Variants in INSL6 observed in about 807,000 individuals in gnomAD.
INSL6 encodes insulin like 6.
Under a neutral mutation model 9.4 loss-of-function variants are expected in INSL6, and 16 were observed. That is an observed-to-expected ratio of 1.70 (90% CI 1.15 to 2.59). The LOEUF is 2.59. Ranked by LOEUF, INSL6 falls within the 30% of genes most tolerant of loss-of-function variation. INSL6 has a pLI of 0.00. For synonymous variants in INSL6, 154 were observed against 96.9 expected (o/e 1.59, Z -3.46); for missense variants, 391 against 257.3 (o/e 1.52, Z -3.56).
At chr9:5,043,526 G>T in the INSL6 span, among the ~76,000 whole-genome samples, 1 of 152,286 alleles carries the variant, frequency 6.6e-6, no homozygotes, top group Non-Finnish European at 1.5e-5. Context: ...TGCTACTTTG[G>T]AAAACAGTTT....
At chr9:5,069,826 A>ATT in the INSL6 span, 7 of 615,934 alleles carry the variant, frequency 1.1e-5, no homozygotes, top group African/African-American at 1.9e-5. Context: ...GTTATTAAGC[A>ATT]TTTCTTATAC....
the INSL6 span, among the ~76,000 whole-genome samples, chr9:5,113,328 G>A: frequency 6.7e-6 from 1 of 148,692 alleles, no homozygotes; most frequent in Non-Finnish European, 1.5e-5. Context: ...ACTTGAGGGA[G>A]ATGCTGTGGA....
At chr9:5,115,591 A>C in the INSL6 span, among the ~76,000 whole-genome samples, 1 of 151,908 alleles carries the variant, frequency 6.6e-6, no homozygotes. Context: ...AAATCATTCT[A>C]CTATAAAGAC....
At chr9:5,172,150 T>A (rs189254461) in intron 1 of INSL6, among the ~76,000 whole-genome samples, 4 of 152,096 alleles carry the variant, frequency 2.6e-5, no homozygotes, top group African/African-American at 4.8e-5. Flanking sequence ...CCTAAACCAA[T>A]AGAATTTCTG....
the INSL6 span, among the ~76,000 whole-genome samples, chr9:5,079,852 TAATGG>T: frequency 6.6e-6 from 1 of 151,768 alleles, no homozygotes; most frequent in African/African-American, 2.4e-5. Context: ...AAGGTAAAAC[TAATGG>T]AAAGAGGTTG....
intron 2 of INSL6, among the ~76,000 whole-genome samples, chr9:5,140,334 CATA>C (rs1014517587): frequency 1.2e-4 from 18 of 152,206 alleles, no homozygotes; most frequent in Admixed American, 3.3e-4. Context: ...TGTACCTAAT[CATA>C]ATAATGACAC....
downstream of INSL6, among the ~76,000 whole-genome samples, chr9:5,161,260 G>C (rs890112183): frequency 2.0e-5 from 3 of 152,058 alleles, no homozygotes; most frequent in Admixed American, 2.0e-4. Context: ...TTTATTCCAG[G>C]AATGCAAGAA....
chr9:5,085,274 T>C, the INSL6 span: 1 of 694,850 alleles, frequency 1.4e-6, no homozygotes, highest in African/African-American at 1.8e-5. Context: ...TCAGCTGATG[T>C]TGGTTTGCCT....
At chr9:5,089,879 A>T in the INSL6 span, 1 of 1,438,394 alleles carries the variant, frequency 7.0e-7, no homozygotes, top group Non-Finnish European at 9.1e-7. Flanking sequence ...CTGCCCATTG[A>T]AACCTATTTT....
At chr9:5,038,417 T>C in the INSL6 span, among the ~76,000 whole-genome samples, 1 of 152,160 alleles carries the variant, frequency 6.6e-6, no homozygotes, top group Non-Finnish European at 1.5e-5. Context: ...CTGAGCTCTT[T>C]CTGTGAGTTC....
At chr9:5,060,380 C>T in the INSL6 span, among the ~76,000 whole-genome samples, 1 of 152,266 alleles carries the variant, frequency 6.6e-6, no homozygotes, top group East Asian at 1.9e-4. Context: ...TAACATTTTA[C>T]CCACAGTAGA....
chr9:5,122,133 A>G (rs574772151), downstream of INSL6, among the ~76,000 whole-genome samples: 45 of 152,268 alleles, frequency 3.0e-4, no homozygotes, highest in Admixed American at 2.9e-3. Context: ...AGATTAGGAA[A>G]CTTAAATGGG....
the INSL6 span, among the ~76,000 whole-genome samples, chr9:5,050,318 C>G: frequency 2.0e-5 from 3 of 152,120 alleles, no homozygotes; most frequent in African/African-American, 7.2e-5. Context: ...ATTTTAGAGA[C>G]TGGGTCTTGG....
the INSL6 span, among the ~76,000 whole-genome samples, chr9:5,016,388 A>G: frequency 3.9e-5 from 6 of 152,292 alleles, no homozygotes; most frequent in South Asian, 1.2e-3. Flanking sequence ...GGGACACCAC[A>G]GACTGTGTAT....
chr9:5,008,157 A>G, the INSL6 span, among the ~76,000 whole-genome samples: 2 of 152,224 alleles, frequency 1.3e-5, no homozygotes, highest in South Asian at 4.1e-4. Context: ...TAAGAATTAT[A>G]TAAATTTTTT....
chr9:5,026,615 T>G, the INSL6 span, among the ~76,000 whole-genome samples: 3 of 152,220 alleles, frequency 2.0e-5, no homozygotes, highest in Non-Finnish European at 2.9e-5. Flanking sequence ...ATTTCTGATT[T>G]AATTGAAGTG....
At chr9:5,089,201 A>C in the INSL6 span, among the ~76,000 whole-genome samples, 4 of 152,198 alleles carry the variant, frequency 2.6e-5, no homozygotes. Flanking sequence ...CTGTTGAGAT[A>C]GTATTTCCTT....
chr9:5,034,498 C>A, the INSL6 span, among the ~76,000 whole-genome samples: 1 of 151,998 alleles, frequency 6.6e-6, no homozygotes, highest in East Asian at 1.9e-4. Context: ...GTAAAGCACT[C>A]CTCAGCAAGT....
the INSL6 span, among the ~76,000 whole-genome samples, chr9:5,036,301 C>G: frequency 6.6e-6 from 1 of 152,196 alleles, no homozygotes; most frequent in African/African-American, 2.4e-5. Flanking sequence ...GCCATACTGC[C>G]CAAAGTCCTT....
Sources: allele counts gnomAD v4.1 joint callset (sites outside exome capture counted in the v4.1 genomes callset), GRCh38; gene constraint gnomAD v4.1.1; transcripts MANE v1.5; gene names NCBI Gene and HGNC (gene_info 2026-07-23, HGNC 2026-07-21).